The following MFSD8 variants were observed in gnomAD, a reference collection of about 807,000 sequenced individuals.
The protein encoded by MFSD8 is major facilitator superfamily domain-containing protein 8.
In MFSD8, 55 loss-of-function variants were observed where a neutral mutation model predicts 66.4. The ratio of observed to expected loss-of-function variants is 0.83; its 90% CI spans 0.67 to 1.04. MFSD8 has a LOEUF of 1.04. Among genes scored for constraint, MFSD8 ranks in the 50% least tolerant of loss-of-function variants. MFSD8 has a pLI of 0.00. For synonymous variants in MFSD8, 202 were observed against 212.8 expected (o/e 0.95, Z 0.44); for missense variants, 550 against 627.6 (o/e 0.88, Z 1.32).
At chr4:127,954,628 A>T (rs1742557446) in intron 2 of MFSD8, among the ~76,000 whole-genome samples, 1 of 152,254 alleles carries the variant, frequency 6.6e-6, no homozygotes, top group South Asian at 2.1e-4. Context: ...AAAGAAAAAA[A>T]CAGAGAAGGT....
At chr4:127,955,450 G>C (rs977558922) in intron 2 of MFSD8, among the ~76,000 whole-genome samples, 1 of 149,414 alleles carries the variant, frequency 6.7e-6, no homozygotes, top group Non-Finnish European at 1.5e-5. Flanking sequence ...CTGAGGCAGA[G>C]AATTGCTTGA....
intron 7 of MFSD8, 71 bp from the exon 8 acceptor site, chr4:127,933,164 G>A: frequency 3.2e-6 from 4 of 1,258,162 alleles, no homozygotes; most frequent in Non-Finnish European, 4.6e-6. Flanking sequence ...AAGTAATGTA[G>A]AAATTACATT....
At chr4:127,922,027 C>A in intron 9 of MFSD8, 64 bp from the exon 10 acceptor site, 1 of 1,369,690 alleles carries the variant, frequency 7.3e-7, no homozygotes, top group Non-Finnish European at 1.0e-6. Context: ...TCATTACTTT[C>A]ATAATTTTAA....
Position 127,943,975 on chromosome 4 carries a change from A to G in MFSD8, c.216T>C (p.Asp72=), listed in dbSNP as rs760772807. Residue 72 remains aspartate (D), a synonymous_variant, in exon 4 of 12, where the codon GAT becomes GAC. Coordinates refer to ENST00000641686, the MANE Select transcript of MFSD8 (RefSeq NM_001371596.2). ...CAATAACCCAGCCCAAAAAACTTGT[A>G]TCAGCTGTCGGATCAATCTGCAGAA... The part of the protein sequence containing the change: ...PYLQKIDPTA[D]TSFLGWVIAS... 1 of 1,614,240 alleles carries G rather than the reference A, an allele frequency of 6.2e-7. No individual in the cohort carries two copies. The highest frequency in any genetic ancestry group is 1.7e-5 in the Admixed American group (1 of 60,036).
At chr4:127,934,152 A>G (rs1738634242) in intron 7 of MFSD8, among the ~76,000 whole-genome samples, 1 of 152,178 alleles carries the variant, frequency 6.6e-6, no homozygotes, top group Non-Finnish European at 1.5e-5. Flanking sequence ...CTGAGGCACG[A>G]GAATTGCTTT....
At chr4:127,952,037 T>C (rs1742065712) in intron 2 of MFSD8, among the ~76,000 whole-genome samples, 2 of 152,156 alleles carry the variant, frequency 1.3e-5, no homozygotes, top group East Asian at 1.9e-4. Context: ...CTTAGCATTA[T>C]ATTTTCAAGA....
Position 127,933,055 on chromosome 4 carries a change from C to A in MFSD8, c.793G>T (p.Asp265Tyr). 6.2e-7 allele frequency: 1 copy of A among 1,613,736 alleles called. No homozygotes were observed. Among genetic ancestry groups the A allele is most frequent in the South Asian group, 1.1e-5 (1 of 91,060 alleles). Residue 265 changes from aspartate to tyrosine, a missense_variant, in exon 8 of 12, where the codon GAC becomes TAC. Coordinates refer to ENST00000641686, the MANE Select transcript of MFSD8 (RefSeq NM_001371596.2). ...TTGATGGCCACAACAGCAACCTGGTCAATATTTCCTTGGGGAACCTGAGCT... is the reference window on the plus strand; with the variant it reads ...TTGATGGCCACAACAGCAACCTGGTAAATATTTCCTTGGGGAACCTGAGCT... ...DEAQVPQGNI[D>Y]QVAVVAINVL... is the part of the protein sequence containing the mutation.
intron 3 of MFSD8, among the ~76,000 whole-genome samples, chr4:127,947,863 A>AACACACACACAC (rs10648496): frequency 8.5e-5 from 12 of 141,186 alleles, no homozygotes; most frequent in South Asian, 2.4e-4. Context: ...TGCACGTGTG[A>AACACACACACAC]ACACACACAC....
At chr4:127,962,496 T>G (rs1167000004) in intron 1 of MFSD8, among the ~76,000 whole-genome samples, 3 of 148,054 alleles carry the variant, frequency 2.0e-5, no homozygotes, top group African/African-American at 7.6e-5. Context: ...GTAGAATAAA[T>G]TGGTATAGAA....
At position 127,933,042 on chromosome 4, in the gene MFSD8, A is replaced by G; in HGVS notation, c.806T>C (p.Val269Ala). ...AAAAAACAGAACATTGATGGCCACA[A>G]CAGCAACCTGGTCAATATTTCCTTG... is the stretch of plus-strand genomic sequence containing the variant. The part of the protein sequence containing the change: ...VPQGNIDQVA[V>A]VAINVLFFVT... Residue 269 changes from valine (V) to alanine (A), a missense_variant, in exon 8 of 12, where the codon GTT becomes GCT. By Grantham distance (64) the Val-to-Ala change is moderately conservative. Transcript: ENST00000641686. The G allele has an allele frequency of 1.9e-6, 3 of 1,613,914 alleles. No individual in the cohort carries two copies. Among genetic ancestry groups the G allele is most frequent in the Non-Finnish European group, 2.5e-6 (3 of 1,179,886 alleles).
At position 127,933,108 on chromosome 4, in the gene MFSD8, G is replaced by A. The variant is rs767947557; in HGVS notation, c.755-15C>T. ...ATCTGTACTTGCTATAGGGAAATAGGAGAAAAATTACATTACCTATACATC... is the reference window on the plus strand; with the variant it reads ...ATCTGTACTTGCTATAGGGAAATAGAAGAAAAATTACATTACCTATACATC... On this transcript the variant is annotated splice_polypyrimidine_tract_variant and intron_variant, in intron 7 of 11. Transcript: ENST00000641686. 2 of 1,593,398 alleles carry A rather than the reference G, an allele frequency of 1.3e-6. No homozygotes were observed. Among genetic ancestry groups the A allele is most frequent in the South Asian group, 2.2e-5 (2 of 90,594 alleles).
At chr4:127,941,967 C>T in intron 5 of MFSD8, 78 bp downstream of exon 5, 1 of 1,143,124 alleles carries the variant, frequency 8.7e-7, no homozygotes, top group Non-Finnish European at 1.3e-6. Context: ...AGTTTTTATA[C>T]TTGGGTTACA....
At position 127,939,979 on chromosome 4, in the gene MFSD8, G is replaced by A; in HGVS notation, c.572C>T (p.Thr191Ile). The change falls in exon 6 of 12, where the codon ACA (threonine) becomes ATA (isoleucine). Residue 191 changes from threonine to isoleucine, a missense_variant. Transcript: ENST00000641686. ...TGTCACACCTTTTTCTCCAAGGAAT[G>A]TAAAACAAGTCTGAAAAACTTATTA... Reference protein sequence around the residue: ...ILGPVFQTCFTFLGEKGVTWD... With the variant: ...ILGPVFQTCFIFLGEKGVTWD... 1.2e-6 allele frequency: 2 copies of A among 1,613,210 alleles called. No individual in the cohort carries two copies. The highest frequency in any genetic ancestry group is 1.7e-6 in the Non-Finnish European group (2 of 1,179,606).
chr4:127,951,136 T>C (rs551585852), intron 2 of MFSD8, among the ~76,000 whole-genome samples: 68 of 152,296 alleles, frequency 4.5e-4, no homozygotes, highest in Non-Finnish European at 6.6e-4. Context: ...CATACAATTA[T>C]GCATTTAAAG....
At chr4:127,959,712 G>A (rs148582833) in intron 1 of MFSD8, among the ~76,000 whole-genome samples, 2 of 152,210 alleles carry the variant, frequency 1.3e-5, no homozygotes, top group African/African-American at 2.4e-5. Context: ...ACAGGTGTTC[G>A]TGATTTTTTC....
chr4:127,962,661 G>C (rs1040663602), intron 1 of MFSD8, among the ~76,000 whole-genome samples: 1 of 151,096 alleles, frequency 6.6e-6, no homozygotes, highest in African/African-American at 2.4e-5. Flanking sequence ...AGGCCACAGA[G>C]CAAGACCCCG....
In MFSD8 at chr4:127,952,270, C is replaced by T. The variant is rs1381108372; in HGVS notation, c.155-2423G>A. Among the ~76,000 whole-genome samples the T allele has an allele frequency of 3.3e-5, 5 of 151,436 alleles. No homozygotes were observed. The East Asian group carries it at 6.0e-4, about 18-fold the overall frequency. On this transcript the variant is annotated intron_variant, in intron 2 of 11. Coordinates refer to ENST00000641686, the MANE Select transcript of MFSD8 (RefSeq NM_001371596.2). ...AATACAAAAAATTATCCGGGTGTAG[C>T]GGCATGCATCGTAGTCCCAGCTACT...
chr4:127,949,903 G>A, intron 2 of MFSD8, 56 bp from the exon 3 acceptor site: 1 of 1,458,852 alleles, frequency 6.9e-7, no homozygotes, highest in Non-Finnish European at 9.5e-7. Flanking sequence ...CATTATTACA[G>A]ATACAATTTT....
In MFSD8 at chr4:127,938,806, C is replaced by T; in HGVS notation, c.731G>A (p.Cys244Tyr). 3 of 1,610,146 alleles carry T rather than the reference C, an allele frequency of 1.9e-6. No individual in the cohort carries two copies. The highest frequency in any genetic ancestry group is 2.5e-6 in the Non-Finnish European group (3 of 1,177,464). ...EHRVDDSGRQCKSINFEEAST... is the reference protein window; with the variant it reads ...EHRVDDSGRQYKSINFEEAST... ...ACCTTCTTCAAAATTAATACTTTTA[C>T]ACTGTCTTCCTGAGTCATCCACACG... The change falls in exon 7 of 12, where the codon TGT (cysteine) becomes TAT (tyrosine). Residue 244 changes from cysteine (C) to tyrosine (Y), a missense_variant. Physicochemically the swap from Cys to Tyr is radical, Grantham distance 194. Transcript: ENST00000641686.
Sources: allele counts gnomAD v4.1 joint callset (sites outside exome capture counted in the v4.1 genomes callset), GRCh38; gene constraint gnomAD v4.1.1; transcripts MANE v1.5; gene names NCBI Gene and HGNC (gene_info 2026-07-23, HGNC 2026-07-21).